The following NTRK2 variants were observed in gnomAD, a reference collection of about 807,000 sequenced individuals.
NTRK2 encodes neurotrophic receptor tyrosine kinase 2, also known as BDNF/NT-3 growth factors receptor.
A neutral mutation model predicts 94.5 loss-of-function variants in NTRK2; 13 were observed. The observed-to-expected ratio is 0.14, with a 90% CI of 0.09 to 0.22. NTRK2 has a LOEUF of 0.22. Among genes scored for constraint, NTRK2 ranks in the 10% least tolerant of loss-of-function variants. NTRK2 has a pLI of 1.00. For synonymous variants in NTRK2, 372 were observed against 407.4 expected, an observed-to-expected ratio of 0.91 and a Z score of 1.05; for missense variants, 639 against 1,071.2, an observed-to-expected ratio of 0.60 and a Z score of 5.63.
chr9:84,838,022 A>G (rs1178231405), intron 12 of NTRK2, among the ~76,000 whole-genome samples: 1 of 152,242 alleles, frequency 6.6e-6, no homozygotes. Context: ...TATATTAATA[A>G]TTATAGATAT....
intron 12 of NTRK2, among the ~76,000 whole-genome samples, chr9:84,853,384 CT>C (rs1487148585): frequency 6.6e-6 from 1 of 152,192 alleles, no homozygotes; most frequent in Non-Finnish European, 1.5e-5. Flanking sequence ...TAGTCCAGCT[CT>C]TTATTCCACA....
At chr9:84,972,369 A>G (rs1410125891) in intron 17 of NTRK2, among the ~76,000 whole-genome samples, 2 of 152,312 alleles carry the variant, frequency 1.3e-5, no homozygotes, top group South Asian at 2.1e-4. Flanking sequence ...TAGGTTTTCC[A>G]TCTTCTATTA....
intron 12 of NTRK2, among the ~76,000 whole-genome samples, chr9:84,855,380 T>A (rs771272963): frequency 6.6e-6 from 1 of 152,188 alleles, no homozygotes; most frequent in Non-Finnish European, 1.5e-5. Context: ...ACAGAGGACA[T>A]ACATGTTTAT....
chr9:84,677,395 A>G (rs1348036687), intron 2 of NTRK2, among the ~76,000 whole-genome samples: 1 of 152,130 alleles, frequency 6.6e-6, no homozygotes, highest in Non-Finnish European at 1.5e-5. Context: ...TCATCCAGCT[A>G]CCATTTTATG....
intron 9 of NTRK2, among the ~76,000 whole-genome samples, chr9:84,736,803 G>GA (rs1302591320): frequency 2.6e-5 from 4 of 152,160 alleles, no homozygotes; most frequent in Admixed American, 2.6e-4. Context: ...CATTGTTACA[G>GA]AAAAAGTGGA....
chr9:84,870,236 A>G (rs1445143696), intron 14 of NTRK2, among the ~76,000 whole-genome samples: 4 of 141,766 alleles, frequency 2.8e-5, no homozygotes, highest in Non-Finnish European at 4.6e-5. Context: ...ATGTGTACAT[A>G]TATAAGTATA....
At position 85,026,437 on chromosome 9, in the gene NTRK2, G is replaced by A. The variant is rs187786760; in HGVS notation, c.*5000G>A. 291 of 232,046 alleles carry A rather than the reference G, an allele frequency of 1.3e-3. 2 individuals are homozygous for A. The highest frequency in any genetic ancestry group is 5.9e-3 in the African/African-American group (269 of 45,360). The allele number at this position is 232,046 out of a possible 1,614,324, so 14.4% of individuals were successfully genotyped here. On this transcript the variant is annotated 3_prime_UTR_variant, in exon 19 of 19. Transcript: ENST00000277120. ...GTGTTTGAACAGGAAAAATATTACA[G>A]AAAATGAAATGTAAAGGCCTATATC...
chr9:84,742,032 T>A, intron 10 of NTRK2, 105 bp downstream of exon 10: 2 of 1,053,454 alleles, frequency 1.9e-6, no homozygotes, highest in Non-Finnish European at 2.8e-6. Context: ...AAATTTACAC[T>A]TTAAGCATTA....
At chr9:84,877,319 A>C in intron 14 of NTRK2, 8 of 1,066,090 alleles carry the variant, frequency 7.5e-6, no homozygotes, top group Non-Finnish European at 8.0e-6. Context: ...ATGAGGAAGA[A>C]CTTTGGTGTG....
At chr9:84,846,924 CT>C (rs1297947064) in intron 12 of NTRK2, among the ~76,000 whole-genome samples, 1 of 152,182 alleles carries the variant, frequency 6.6e-6, no homozygotes, top group African/African-American at 2.4e-5. Flanking sequence ...TGAGAGAAGG[CT>C]AATTAATGCA....
chr9:84,757,489 A>G (rs2065186196), intron 12 of NTRK2, among the ~76,000 whole-genome samples: 3 of 152,202 alleles, frequency 2.0e-5, no homozygotes, highest in Non-Finnish European at 4.4e-5. Context: ...TCCATTTAAT[A>G]GTATTTCCCA....
At position 84,955,331 on chromosome 9, in the gene NTRK2, G is replaced by A. The variant is rs1481571263; in HGVS notation, c.1986G>A (p.Thr662=). Residue 662 remains threonine (T), a synonymous_variant, in exon 17 of 19, where the codon ACG becomes ACA. Transcript: ENST00000277120. ...TGATGGCTGAGGGCAACCCGCCCAC[G>A]GAACTGACGCAGTCGCAGATGCTGC... ...AVLMAEGNPP[T]ELTQSQMLHI... is the part of the protein sequence containing the mutation. 8.7e-6 allele frequency: 14 copies of A among 1,611,430 alleles called. No homozygotes were observed. The highest frequency in any genetic ancestry group is 5.5e-5 in the South Asian group (5 of 90,572).
At position 85,022,749 on chromosome 9, in the gene NTRK2, G is replaced by A. The variant is rs73651158; in HGVS notation, c.*1312G>A. 1 of 233,230 alleles carries A rather than the reference G, an allele frequency of 4.3e-6. No homozygotes were observed. The highest frequency in any genetic ancestry group is 2.2e-5 in the African/African-American group (1 of 45,440). 14.4% of individuals were successfully genotyped at this position (233,230 alleles called of 1,614,324 possible). A position where few individuals can be genotyped will look rare whatever the true frequency, so the allele number is the denominator to read the frequency against. ...CTTATACAATTAGGGGAAGCTAATGGAGTTTATTAGCTGAGTATCAATGTC... is the reference window on the plus strand; with the variant it reads ...CTTATACAATTAGGGGAAGCTAATGAAGTTTATTAGCTGAGTATCAATGTC... On this transcript the variant is annotated 3_prime_UTR_variant, in exon 19 of 19. Transcript: ENST00000277120.
chr9:84,852,986 G>GC (rs1276603471), intron 12 of NTRK2, among the ~76,000 whole-genome samples: 1 of 146,238 alleles, frequency 6.8e-6, no homozygotes, highest in Non-Finnish European at 1.5e-5. Context: ...AATAAATACT[G>GC]TTTTTTTTTT....
At chr9:84,836,160 A>G (rs1171611204) in intron 12 of NTRK2, among the ~76,000 whole-genome samples, 1 of 152,250 alleles carries the variant, frequency 6.6e-6, no homozygotes, top group African/African-American at 2.4e-5. Flanking sequence ...ATATGCTGAC[A>G]TATTGTGAAC....
At chr9:84,731,597 G>C (rs1397863579) in intron 9 of NTRK2, among the ~76,000 whole-genome samples, 2 of 152,138 alleles carry the variant, frequency 1.3e-5, no homozygotes, top group Admixed American at 1.3e-4. Flanking sequence ...TGGTGAAGAG[G>C]AATGGACCAA....
rs1366498329 is a variant in NTRK2 at position 84,767,941 on chromosome 9, C to T, written c.1396+15856C>T. Among the ~76,000 whole-genome samples, 3 of 152,174 alleles carry T rather than the reference C, an allele frequency of 2.0e-5. 1 individual carries two copies. Among genetic ancestry groups the T allele is most frequent in the African/African-American group, 7.2e-5 (3 of 41,454 alleles). On this transcript the variant is annotated intron_variant, in intron 12 of 18. Transcript: ENST00000277120. ...GTTAGCAAACTCAGAGACACTAACT[C>T]AGATATTACCAGAAAACCAGCATGT...
At chr9:84,814,461 G>C (rs201529391) in intron 12 of NTRK2, 2 of 1,065,456 alleles carry the variant, frequency 1.9e-6, no homozygotes, top group East Asian at 5.0e-5. Context: ...TCTCTCTCTA[G>C]TATTCTAAAC....
intron 14 of NTRK2, 152 bp downstream of exon 14, chr9:84,867,583 C>A (rs2075652857): frequency 2.7e-6 from 2 of 745,546 alleles, no homozygotes; most frequent in Non-Finnish European, 4.8e-6. Flanking sequence ...AGGAATAGAT[C>A]CTTTAGTTTG....
Sources: gnomAD v4.1 joint callset for allele counts (sites outside exome capture counted in the v4.1 genomes callset) on GRCh38, gnomAD v4.1.1 for gene constraint, MANE v1.5 for transcripts, NCBI Gene and HGNC (gene_info 2026-07-23, HGNC 2026-07-21) for gene names.